LOC400499: variants seen among roughly 807,000 people sequenced by gnomAD.
the LOC400499 span, among the ~76,000 whole-genome samples, chr16:11,517,954 G>T: frequency 1.3e-5 from 2 of 152,190 alleles, no homozygotes; most frequent in African/African-American, 4.8e-5. Context: ...TTCCAGGGGG[G>T]CAGCGGTCAC....
the LOC400499 span, chr16:11,477,013 C>A: frequency 2.5e-6 from 1 of 400,060 alleles, no homozygotes; most frequent in Non-Finnish European, 4.4e-6. Flanking sequence ...CCTGCGACCC[C>A]CAGCAGCCCC....
the LOC400499 span, among the ~76,000 whole-genome samples, chr16:11,504,758 G>T: frequency 6.6e-6 from 1 of 152,034 alleles, no homozygotes; most frequent in East Asian, 1.9e-4. Context: ...CCTCATCTCT[G>T]CCAAAAATAT....
chr16:11,411,139 T>C, the LOC400499 span: 1 of 398,222 alleles, frequency 2.5e-6, no homozygotes, highest in East Asian at 3.6e-5. Flanking sequence ...TGCAGGCTGG[T>C]GAACAGATGT....
At chr16:11,459,883 T>C in the LOC400499 span, 2 of 1,353,580 alleles carry the variant, frequency 1.5e-6, no homozygotes, top group Non-Finnish European at 9.6e-7. Context: ...TCTGCCGCAG[T>C]GGCCAGGCTC....
chr16:11,440,721 G>A, the LOC400499 span: 1 of 399,036 alleles, frequency 2.5e-6, no homozygotes, highest in Non-Finnish European at 4.4e-6. Flanking sequence ...TCAGTCTCCT[G>A]ACCTGGGATG....
At chr16:11,424,340 G>T in the LOC400499 span, 1 of 399,746 alleles carries the variant, frequency 2.5e-6, no homozygotes, top group Non-Finnish European at 4.4e-6. Context: ...CCTCGGAGGG[G>T]AGTCCTGGGG....
chr16:11,428,846 G>A, the LOC400499 span, among the ~76,000 whole-genome samples: 7 of 151,654 alleles, frequency 4.6e-5, no homozygotes, highest in African/African-American at 1.2e-4. Flanking sequence ...CACAAAATGC[G>A]AACAATTATA....
At chr16:11,453,653 G>T in the LOC400499 span, among the ~76,000 whole-genome samples, 1 of 151,912 alleles carries the variant, frequency 6.6e-6, no homozygotes, top group Admixed American at 6.6e-5. Flanking sequence ...CAGAACCAAA[G>T]GACAAAGAAA....
chr16:11,475,732 G>T, the LOC400499 span: 8 of 398,748 alleles, frequency 2.0e-5, no homozygotes, highest in South Asian at 1.3e-4. Context: ...GGGGAAAGAG[G>T]ACAGTGTCAG....
the LOC400499 span, among the ~76,000 whole-genome samples, chr16:11,374,845 T>C: frequency 6.6e-6 from 1 of 152,144 alleles, no homozygotes; most frequent in South Asian, 2.1e-4. Flanking sequence ...AATTGCTGGA[T>C]TGTATGGTAA....
the LOC400499 span, chr16:11,425,572 C>T: frequency 2.5e-6 from 1 of 397,454 alleles, no homozygotes; most frequent in Non-Finnish European, 4.4e-6. Flanking sequence ...AGAAATGGCA[C>T]ATTTGTGAAA....
the LOC400499 span, among the ~76,000 whole-genome samples, chr16:11,397,627 A>G: frequency 6.6e-6 from 1 of 152,080 alleles, no homozygotes. Flanking sequence ...TATTGTCTAT[A>G]GCTGCTTTCA....
chr16:11,477,235 C>A, the LOC400499 span, among the ~76,000 whole-genome samples: 2 of 152,228 alleles, frequency 1.3e-5, no homozygotes, highest in Non-Finnish European at 2.9e-5. Context: ...GTCTAAGTCC[C>A]AGCCCAGGCT....
chr16:11,463,526 GTGTC>G, the LOC400499 span, among the ~76,000 whole-genome samples: 1 of 152,232 alleles, frequency 6.6e-6, no homozygotes, highest in African/African-American at 2.4e-5. Flanking sequence ...ATACATGGAT[GTGTC>G]TGTATGTAGA....
At chr16:11,429,365 G>A in the LOC400499 span, among the ~76,000 whole-genome samples, 3 of 152,176 alleles carry the variant, frequency 2.0e-5, no homozygotes, top group Non-Finnish European at 4.4e-5. Flanking sequence ...ATGAGCCAAC[G>A]TCTTTGTAAA....
the LOC400499 span, among the ~76,000 whole-genome samples, chr16:11,421,946 A>G: frequency 6.6e-6 from 1 of 152,194 alleles, no homozygotes; most frequent in African/African-American, 2.4e-5. Flanking sequence ...TTTTACTACA[A>G]CAAGAAATGT....
chr16:11,449,350 T>C, the LOC400499 span, among the ~76,000 whole-genome samples: 2 of 152,194 alleles, frequency 1.3e-5, no homozygotes, highest in Admixed American at 6.5e-5. Flanking sequence ...TTTCCTTTTC[T>C]CCTCTTCAGT....
the LOC400499 span, among the ~76,000 whole-genome samples, chr16:11,439,109 C>A: frequency 2.6e-5 from 4 of 152,224 alleles, no homozygotes; most frequent in South Asian, 8.3e-4. Context: ...GACAGGGCTC[C>A]CACCTGGATG....
At chr16:11,514,525 G>A in the LOC400499 span, 1 of 399,840 alleles carries the variant, frequency 2.5e-6, no homozygotes, top group East Asian at 3.6e-5. Context: ...AGGTCAGGCG[G>A]GAGGTCAGGC....
Sources: gnomAD v4.1 joint callset for allele counts (sites outside exome capture counted in the v4.1 genomes callset) on GRCh38, gnomAD v4.1.1 for gene constraint, MANE v1.5 for transcripts.